The following DCAF6 variants were observed in gnomAD, a reference collection of about 807,000 sequenced individuals.
DCAF6 encodes DDB1 and CUL4 associated factor 6, also known as DDB1- and CUL4-associated factor 6.
A neutral mutation model predicts 125.1 loss-of-function variants in DCAF6; 54 were observed. That is an observed-to-expected ratio of 0.43 (90% CI 0.35 to 0.54). DCAF6 has a LOEUF of 0.54. Ranked by LOEUF, DCAF6 falls within the 20% of genes least tolerant of loss-of-function variation. The pLI is 0.01. For missense variants in DCAF6, 934 were observed against 1,161.7 expected (o/e 0.80, Z 2.85); for synonymous variants, 371 against 390.4 (o/e 0.95, Z 0.58).
the DCAF6 span, chr1:167,920,748 G>C: frequency 1.0e-6 from 1 of 981,400 alleles, no homozygotes; most frequent in Non-Finnish European, 1.5e-6. Flanking sequence ...TATAATTTTA[G>C]TGTCCATTCA....
At chr1:168,017,992 C>G (rs538596433) in intron 11 of DCAF6, among the ~76,000 whole-genome samples, 5 of 152,060 alleles carry the variant, frequency 3.3e-5, no homozygotes, top group Non-Finnish European at 7.4e-5. Flanking sequence ...ATTTGGAAAC[C>G]AAGAAATTTT....
Position 167,974,979 on chromosome 1 carries a change from A to G in DCAF6, c.402A>G (p.Gln134=), listed in dbSNP as rs779660437. The part of the protein sequence containing the change: ...NVEQDAETNR[Q]CQFTCHYGTT... ...AGCAAGATGCAGAAACCAACAGACA[A>G]TGCCAATTTACGTGTCATTATGGAA... The change falls in exon 4 of 22, where the codon CAA becomes CAG. Residue 134 remains glutamine, a synonymous_variant. Coordinates refer to ENST00000367840, the MANE Select transcript of DCAF6 (RefSeq NM_001198956.2). The G allele has an allele frequency of 1.4e-5, 22 of 1,604,980 alleles. No homozygotes were observed. The highest frequency in any genetic ancestry group is 3.3e-4 in the Middle Eastern group (2 of 6,046).
the DCAF6 span, among the ~76,000 whole-genome samples, chr1:167,885,280 T>C: frequency 6.6e-6 from 1 of 152,148 alleles, no homozygotes; most frequent in East Asian, 1.9e-4. Flanking sequence ...AATATATTGA[T>C]TTCTTTTCTT....
chr1:167,937,044 G>A, intron 1 of DCAF6, 36 bp downstream of exon 1: 2 of 1,548,274 alleles, frequency 1.3e-6, no homozygotes, highest in Non-Finnish European at 1.8e-6. Context: ...CGCTGAGGTC[G>A]CCGCCTAGAG....
At chr1:168,021,897 T>C (rs1685713660) in intron 11 of DCAF6, among the ~76,000 whole-genome samples, 1 of 152,182 alleles carries the variant, frequency 6.6e-6, no homozygotes, top group Non-Finnish European at 1.5e-5. Context: ...GAGCAGAAAC[T>C]GGTGTTGGCC....
At chr1:167,904,081 G>GATTTTT in the DCAF6 span, 2 of 501,784 alleles carry the variant, frequency 4.0e-6, no homozygotes, top group Non-Finnish European at 6.8e-6. Context: ...GCGGGCCTCA[G>GATTTTT]CTTTTTTTTT....
chr1:167,989,079 CAAACAAAACA>C (rs141583609), intron 5 of DCAF6, among the ~76,000 whole-genome samples: 4 of 151,948 alleles, frequency 2.6e-5, no homozygotes, highest in Non-Finnish European at 5.9e-5. Flanking sequence ...GACTCCATCT[CAAACAAAACA>C]AAACAAAACA....
At chr1:167,960,985 CTCT>C (rs1013736692) in intron 2 of DCAF6, among the ~76,000 whole-genome samples, 7 of 152,028 alleles carry the variant, frequency 4.6e-5, no homozygotes, top group African/African-American at 7.3e-5. Context: ...TATGGAATAG[CTCT>C]TCATTTATTT....
the DCAF6 span, among the ~76,000 whole-genome samples, chr1:167,926,305 A>G: frequency 6.6e-6 from 1 of 152,184 alleles, no homozygotes; most frequent in Non-Finnish European, 1.5e-5. Context: ...AAACCTATCT[A>G]TATTCAGTTT....
chr1:167,978,863 C>T (rs1397523152), intron 4 of DCAF6, among the ~76,000 whole-genome samples: 2 of 152,018 alleles, frequency 1.3e-5, no homozygotes, highest in Non-Finnish European at 2.9e-5. Context: ...TGCTATCTTA[C>T]CCAGGCTTGT....
chr1:167,987,300 T>C (rs961764067), intron 4 of DCAF6, among the ~76,000 whole-genome samples, 195 bp from the exon 5 acceptor site: 2 of 152,216 alleles, frequency 1.3e-5, no homozygotes, highest in African/African-American at 4.8e-5. Flanking sequence ...ATCATATTAA[T>C]TCAACAATTA....
intron 13 of DCAF6, among the ~76,000 whole-genome samples, chr1:168,038,881 T>C (rs946413960): frequency 3.3e-5 from 5 of 152,126 alleles, no homozygotes; most frequent in Non-Finnish European, 7.4e-5. Context: ...ATTTTTGTTT[T>C]GAGTTTTAGA....
At chr1:167,909,282 C>T in the DCAF6 span, among the ~76,000 whole-genome samples, 2 of 152,196 alleles carry the variant, frequency 1.3e-5, no homozygotes, top group Admixed American at 1.3e-4. Context: ...ATCCACTATA[C>T]TATTGACCTG....
At chr1:167,934,756 C>T (rs1468051469), upstream of DCAF6, among the ~76,000 whole-genome samples, 1 of 152,196 alleles carries the variant, frequency 6.6e-6, no homozygotes, top group African/African-American at 2.4e-5. Flanking sequence ...GGTAGCACTT[C>T]AGTCTTTCAA....
chr1:167,883,114 T>C, the DCAF6 span, among the ~76,000 whole-genome samples: 2 of 152,248 alleles, frequency 1.3e-5, no homozygotes, highest in African/African-American at 4.8e-5. Context: ...CTCGGCTCAC[T>C]GCAACCTCCG....
At chr1:168,063,916 A>C (rs549636527) in intron 18 of DCAF6, 157 bp downstream of exon 18, 510 of 625,236 alleles carry the variant, frequency 8.2e-4, no homozygotes, top group Middle Eastern at 3.4e-3. Context: ...TTTTAGCCCT[A>C]TAATATATTG....
At chr1:167,969,162 G>A (rs1676920191) in intron 3 of DCAF6, 1 of 151,558 alleles carries the variant, frequency 6.6e-6, no homozygotes. Context: ...TTTTATATTT[G>A]TTTCTAAAAA....
chr1:168,035,504 T>A (rs1467422590), intron 12 of DCAF6, among the ~76,000 whole-genome samples: 2 of 152,132 alleles, frequency 1.3e-5, no homozygotes, highest in Non-Finnish European at 2.9e-5. Context: ...CTTCATTGTG[T>A]TGTCTTTCTG....
At chr1:167,952,304 G>A (rs1174619919) in intron 2 of DCAF6, among the ~76,000 whole-genome samples, 3 of 152,004 alleles carry the variant, frequency 2.0e-5, no homozygotes, top group East Asian at 1.9e-4. Context: ...TGCAAGCTCC[G>A]CCTCCCGGGT....
Sources: allele counts gnomAD v4.1 joint callset (sites outside exome capture counted in the v4.1 genomes callset), GRCh38; gene constraint gnomAD v4.1.1; transcripts MANE v1.5; gene names NCBI Gene and HGNC (gene_info 2026-07-23, HGNC 2026-07-21).